Variants in CACNA1C observed in about 807,000 individuals in gnomAD.
The protein encoded by CACNA1C is voltage-dependent L-type calcium channel subunit alpha-1C.
In CACNA1C, 30 loss-of-function variants were observed where a neutral mutation model predicts 229.0. The observed-to-expected ratio is 0.13, with a 90% CI of 0.10 to 0.18. The LOEUF (loss-of-function observed/expected upper bound fraction) is 0.18. CACNA1C is among the 10% of genes least tolerant of loss of function. The probability of loss-of-function intolerance (pLI) is 1.00; values close to 1 mark genes in which losing one functional copy is unlikely to be tolerated. For synonymous variants in CACNA1C, 1,114 were observed against 1,132.5 expected, an observed-to-expected ratio of 0.98 and a Z score of 0.33; for missense variants, 1,658 against 2,845.0, an observed-to-expected ratio of 0.58 and a Z score of 9.49.
chr12:2,627,704 C>T (rs1231884739), intron 29 of CACNA1C, among the ~76,000 whole-genome samples: 1 of 152,176 alleles, frequency 6.6e-6, no homozygotes, highest in African/African-American at 2.4e-5. Flanking sequence ...GCCACCCCAC[C>T]GTGGCAGCCT....
At chr12:2,306,468 C>T (rs2095034282) in intron 3 of CACNA1C, among the ~76,000 whole-genome samples, 1 of 152,158 alleles carries the variant, frequency 6.6e-6, no homozygotes, top group South Asian at 2.1e-4. Flanking sequence ...AGCACTTACA[C>T]AGTCATAAAG....
intron 7 of CACNA1C, among the ~76,000 whole-genome samples, chr12:2,502,380 G>A (rs1471512924): frequency 6.6e-6 from 1 of 152,216 alleles, no homozygotes; most frequent in Non-Finnish European, 1.5e-5. Context: ...TCACATTCTA[G>A]CATGGAAGAC....
chr12:2,128,613 G>A (rs1288502459), intron 3 of CACNA1C, among the ~76,000 whole-genome samples: 12 of 152,052 alleles, frequency 7.9e-5, no homozygotes, highest in East Asian at 7.8e-4. Context: ...GGGTTTCACC[G>A]TGTTAGTCAG....
chr12:2,087,069 G>C (rs1008340454), intron 1 of CACNA1C, among the ~76,000 whole-genome samples: 4 of 152,108 alleles, frequency 2.6e-5, no homozygotes, highest in African/African-American at 9.7e-5. Flanking sequence ...CCCAGGCTGG[G>C]TTTTTTTATC....
intron 27 of CACNA1C, 116 bp from the exon 28 acceptor site, chr12:2,610,425 C>A: frequency 9.5e-7 from 1 of 1,052,510 alleles, no homozygotes; most frequent in East Asian, 2.5e-5. Flanking sequence ...CTCAGACTTC[C>A]GGAGAACCCC....
rs1386928349 is a variant in CACNA1C at position 2,679,147 on chromosome 12, C to T, written c.5092-297C>T. ...GGGGCTTCACTGGAAACCTCCAGGGCAGCTCGTACCAGCGGCAGCCCCTTG... is the reference window on the plus strand; with the variant it reads ...GGGGCTTCACTGGAAACCTCCAGGGTAGCTCGTACCAGCGGCAGCCCCTTG... On this transcript the variant is annotated intron_variant, in intron 41 of 46. Coordinates refer to ENST00000399655, the MANE Select transcript of CACNA1C (RefSeq NM_000719.7). The surrounding 1 kb of genome is among the most constrained non-coding windows in gnomAD (Gnocchi z 5.5). 6.6e-6 allele frequency among the ~76,000 whole-genome samples: 1 copy of T among 152,246 alleles called. No homozygotes were observed. The highest frequency in any genetic ancestry group is 2.4e-5 in the African/African-American group (1 of 41,474).
At chr12:2,173,132 C>G (rs776918135) in intron 3 of CACNA1C, among the ~76,000 whole-genome samples, 1 of 152,140 alleles carries the variant, frequency 6.6e-6, no homozygotes, top group Non-Finnish European at 1.5e-5. Flanking sequence ...TGGCCCTAAC[C>G]CAGGTCCACT....
At chr12:2,430,013 G>A (rs1003657403) in intron 3 of CACNA1C, among the ~76,000 whole-genome samples, 1 of 152,168 alleles carries the variant, frequency 6.6e-6, no homozygotes, top group African/African-American at 2.4e-5. Context: ...TTATGGTTCT[G>A]GAGGTTGGGA....
At chr12:2,623,291 C>G (rs1352466519) in intron 29 of CACNA1C, among the ~76,000 whole-genome samples, 2 of 152,050 alleles carry the variant, frequency 1.3e-5, no homozygotes, top group African/African-American at 4.8e-5. Flanking sequence ...TCTCTGGGTC[C>G]CTGCAGAAGC....
intron 3 of CACNA1C, among the ~76,000 whole-genome samples, chr12:2,120,878 C>A (rs141529757): frequency 6.6e-6 from 1 of 152,046 alleles, no homozygotes; most frequent in Non-Finnish European, 1.5e-5. Context: ...TTCTAGGAAG[C>A]TTTTAGGAAC....
chr12:2,393,616 C>T (rs2098524253), intron 3 of CACNA1C, among the ~76,000 whole-genome samples: 1 of 152,220 alleles, frequency 6.6e-6, no homozygotes, highest in South Asian at 2.1e-4. Context: ...ACTTACTGTG[C>T]AGGTTGTTGC....
intron 30 of CACNA1C, among the ~76,000 whole-genome samples, chr12:2,634,583 A>G (rs1012861172): frequency 5.0e-5 from 7 of 140,306 alleles, no homozygotes; most frequent in African/African-American, 1.9e-4. Flanking sequence ...TTTGGAACGC[A>G]TTAGGCCTTC....
intron 3 of CACNA1C, among the ~76,000 whole-genome samples, chr12:2,400,139 G>A (rs2098656616): frequency 6.6e-6 from 1 of 152,158 alleles, no homozygotes; most frequent in Non-Finnish European, 1.5e-5. Flanking sequence ...CACCACCATG[G>A]TGTGGATAAT....
chr12:2,078,556 G>A (rs1029826004), intron 1 of CACNA1C, among the ~76,000 whole-genome samples: 3 of 152,186 alleles, frequency 2.0e-5, no homozygotes, highest in African/African-American at 7.2e-5. Flanking sequence ...TAGAATTGTG[G>A]TTGCCAAGGG....
At position 2,360,451 on chromosome 12, in the gene CACNA1C, G is replaced by A. The variant is rs548187344; in HGVS notation, c.478-88525G>A. Reference sequence around the variant, plus strand: ...CCCTACAGCTCTGAAGAACCCCTGCGTCTCTCCCTAATGACAAGGGTGCTG... The same window carrying A: ...CCCTACAGCTCTGAAGAACCCCTGCATCTCTCCCTAATGACAAGGGTGCTG... On this transcript the variant is annotated intron_variant, in intron 3 of 46. Coordinates refer to ENST00000399655, the MANE Select transcript of CACNA1C (RefSeq NM_000719.7). Among the ~76,000 whole-genome samples, 11 of 152,212 alleles carry A rather than the reference G, an allele frequency of 7.2e-5. 1 individual carries two copies. In the East Asian group the frequency reaches 9.7e-4, roughly 13 times the overall value.
intron 1 of CACNA1C, among the ~76,000 whole-genome samples, chr12:2,109,934 C>T (rs2080986466): frequency 6.6e-6 from 1 of 152,230 alleles, no homozygotes; most frequent in Non-Finnish European, 1.5e-5. Flanking sequence ...TACAGTGTCA[C>T]TGTAGTCCAC....
intron 3 of CACNA1C, among the ~76,000 whole-genome samples, chr12:2,231,848 C>A (rs1185827879): frequency 2.0e-5 from 3 of 152,160 alleles, no homozygotes; most frequent in Admixed American, 1.3e-4. Flanking sequence ...CAGTTTTTGG[C>A]AAGATCAGGA....
At chr12:2,419,841 G>C (rs1405328082) in intron 3 of CACNA1C, among the ~76,000 whole-genome samples, 1 of 152,214 alleles carries the variant, frequency 6.6e-6, no homozygotes, top group Non-Finnish European at 1.5e-5. Flanking sequence ...CCACACGGGA[G>C]AGAGGGCAGC....
intron 1 of CACNA1C, among the ~76,000 whole-genome samples, chr12:2,038,127 T>C (rs1042490215): frequency 1.3e-5 from 2 of 152,172 alleles, no homozygotes; most frequent in East Asian, 3.8e-4. Context: ...ATAGCCCAGG[T>C]CCCTGACATA....
Sources: gnomAD v4.1 joint callset for allele counts (sites outside exome capture counted in the v4.1 genomes callset) on GRCh38, gnomAD v4.1.1 for gene constraint, Gnocchi (gnomAD v3.1) non-coding constraint, MANE v1.5 for transcripts, NCBI Gene and HGNC (gene_info 2026-07-23, HGNC 2026-07-21) for gene names.